The following HDAC4 variants were observed in gnomAD, a reference collection of about 807,000 sequenced individuals.
HDAC4 encodes histone deacetylase 4.
In HDAC4, 16 loss-of-function variants were observed where a neutral mutation model predicts 135.1. The ratio of observed to expected loss-of-function variants is 0.12; its 90% confidence interval spans 0.08 to 0.18. HDAC4 has a LOEUF of 0.18. HDAC4 is among the 10% of genes least tolerant of loss of function. HDAC4 has a pLI of 1.00. For synonymous variants in HDAC4, 685 were observed against 653.4 expected, an observed-to-expected ratio of 1.05 and a Z score of -0.74; for missense variants, 1,143 against 1,511.8, an observed-to-expected ratio of 0.76 and a Z score of 4.05.
intron 5 of HDAC4, among the ~76,000 whole-genome samples, chr2:239,172,834 A>C (rs1260425406): frequency 6.6e-6 from 1 of 152,160 alleles, no homozygotes; most frequent in Non-Finnish European, 1.5e-5. Context: ...ACATCATTAA[A>C]GGTCTGACAG....
intron 12 of HDAC4, among the ~76,000 whole-genome samples, chr2:239,125,895 G>C (rs998810265): frequency 1.3e-5 from 2 of 152,226 alleles, no homozygotes; most frequent in Non-Finnish European, 2.9e-5. Flanking sequence ...ACTTCCTGCT[G>C]GAGTTCTGCA....
At chr2:239,301,471 CTTTT>C (rs764763791) in intron 2 of HDAC4, among the ~76,000 whole-genome samples, 3 of 133,686 alleles carry the variant, frequency 2.2e-5, no homozygotes, top group African/African-American at 5.3e-5. Context: ...TGCTTTCTTT[CTTTT>C]TTTTTTTTTT....
chr2:239,120,613 G>C (rs1559467714), intron 12 of HDAC4, among the ~76,000 whole-genome samples: 1 of 132,178 alleles, frequency 7.6e-6, no homozygotes, highest in Non-Finnish European at 1.6e-5. Flanking sequence ...AAATGGGGGG[G>C]CGGGGAAGGG....
intron 2 of HDAC4, among the ~76,000 whole-genome samples, chr2:239,304,681 T>C (rs1177177971): frequency 3.3e-5 from 5 of 151,926 alleles, no homozygotes; most frequent in Admixed American, 6.6e-5. Flanking sequence ...GCTCCTGGGG[T>C]CAGGAGCTCT....
At chr2:239,196,910 A>T (rs1260849761) in intron 3 of HDAC4, among the ~76,000 whole-genome samples, 1 of 152,204 alleles carries the variant, frequency 6.6e-6, no homozygotes. Context: ...CGAGGCAGGC[A>T]GTCTGGTGAG....
At chr2:239,238,430 G>A (rs2048007028) in intron 2 of HDAC4, among the ~76,000 whole-genome samples, 1 of 152,140 alleles carries the variant, frequency 6.6e-6, no homozygotes, top group African/African-American at 2.4e-5. Context: ...GTCAAGAGGA[G>A]GGGGCTTGGG....
rs541830550 is a variant in HDAC4 at position 239,168,357 on chromosome 2, C to T, written c.491-4434G>A. On this transcript the variant is annotated intron_variant, in intron 5 of 26. Transcript: ENST00000543185. Reference sequence around the variant, plus strand: ...TATGTGAAGAGCCGTGTCTTAGATTCCCAAGTGCCGTTAATCTAAATCAAA... The same window carrying T: ...TATGTGAAGAGCCGTGTCTTAGATTTCCAAGTGCCGTTAATCTAAATCAAA... Among the ~76,000 whole-genome samples, 5 of 152,274 alleles carry T rather than the reference C, an allele frequency of 3.3e-5. No individual in the cohort carries two copies. In the South Asian group the frequency reaches 8.3e-4, roughly 25 times the overall value.
chr2:239,242,212 C>T (rs549276470), intron 2 of HDAC4, among the ~76,000 whole-genome samples: 7 of 109,604 alleles, frequency 6.4e-5, no homozygotes, highest in Admixed American at 2.6e-4. Context: ...AGAGAGAGGA[C>T]GAGAGAGGAA....
Position 239,392,732 on chromosome 2 carries a change from G to C in HDAC4, c.-220+8246C>G, listed in dbSNP as rs115672559. ...GGGTAAGTCCTCAATAGCCAGCTGG[G>C]ATTAGCCCCAGGCCACAGGGAGGAC... On this transcript the variant is annotated intron_variant, in intron 1 of 26. Coordinates refer to ENST00000543185, the MANE Select transcript of HDAC4 (RefSeq NM_001378414.1). Among the ~76,000 whole-genome samples the C allele has an allele frequency of 5.7e-3, 872 of 152,310 alleles. 9 individuals carry two copies. The highest frequency in any genetic ancestry group is 0.02 in the African/African-American group (833 of 41,570).
chr2:239,139,274 T>C lies in HDAC4; in HGVS notation c.978+410A>G, dbSNP rs971798609. Among the ~76,000 whole-genome samples the C allele has an allele frequency of 9.2e-5, 14 of 152,186 alleles. No individual in the cohort carries two copies. Among genetic ancestry groups the C allele is most frequent in the African/African-American group, 3.1e-4 (13 of 41,452 alleles). On this transcript the variant is annotated intron_variant, in intron 9 of 26. Coordinates refer to ENST00000543185, the MANE Select transcript of HDAC4 (RefSeq NM_001378414.1). This position sits in a 1 kb window ranked among gnomAD's most constrained non-coding sequence, Gnocchi z 5.3. ...AATGTTAAGTCTCACTTAGCAACTA[T>C]ACCCACGTGCCCACGGCCTCTCAGC...
In HDAC4 at chr2:239,373,316, T is replaced by C. The variant is rs542402771; in HGVS notation, c.-219-20398A>G. ...AAAAAGCACGATCTCTGCTGACTTT[T>C]CTGGGCATCTCCCTGGGGGCTGGGG... is the stretch of plus-strand genomic sequence containing the variant. On this transcript the variant is annotated intron_variant, in intron 1 of 26. Coordinates refer to ENST00000543185, the MANE Select transcript of HDAC4 (RefSeq NM_001378414.1). 5.1e-4 allele frequency among the ~76,000 whole-genome samples: 77 copies of C among 152,272 alleles called. 1 individual carries two copies. The highest frequency in any genetic ancestry group is 8.5e-4 in the Non-Finnish European group (58 of 68,010).
chr2:239,124,156 A>C (rs552479978), intron 12 of HDAC4, among the ~76,000 whole-genome samples: 60 of 152,314 alleles, frequency 3.9e-4, no homozygotes, highest in African/African-American at 1.4e-3. Context: ...CTGGGATATA[A>C]TTCACATACC....
intron 15 of HDAC4, among the ~76,000 whole-genome samples, chr2:239,104,260 C>T (rs914355634): frequency 5.3e-5 from 8 of 152,104 alleles, no homozygotes; most frequent in African/African-American, 1.7e-4. Context: ...AACGGAGTTT[C>T]GCTCGTTGCC....
intron 11 of HDAC4, among the ~76,000 whole-genome samples, chr2:239,132,837 C>A (rs2040691479): frequency 6.6e-6 from 1 of 152,190 alleles, no homozygotes; most frequent in African/African-American, 2.4e-5. Flanking sequence ...GAAGATCAGG[C>A]ACATTTTACG....
chr2:239,170,731 A>G (rs527943322), intron 5 of HDAC4, among the ~76,000 whole-genome samples: 1 of 152,312 alleles, frequency 6.6e-6, no homozygotes, highest in Non-Finnish European at 1.5e-5. Context: ...CAACTAGGGC[A>G]GCATGGAACA....
intron 1 of HDAC4, among the ~76,000 whole-genome samples, chr2:239,369,220 G>A (rs923767997): frequency 1.4e-4 from 21 of 152,306 alleles, no homozygotes; most frequent in African/African-American, 4.3e-4. Flanking sequence ...CCCATTCCCC[G>A]ACGGTCCCCT....
chr2:239,271,257 G>A (rs2050043409), intron 2 of HDAC4, among the ~76,000 whole-genome samples: 1 of 152,166 alleles, frequency 6.6e-6, no homozygotes. Flanking sequence ...GGAATCATAG[G>A]TGCATGCCAC....
At chr2:239,092,844 C>T (rs372667706) in intron 17 of HDAC4, among the ~76,000 whole-genome samples, 68 of 152,098 alleles carry the variant, frequency 4.5e-4, no homozygotes, top group African/African-American at 1.5e-3. Flanking sequence ...CTCTGTGTTT[C>T]GTTTCTTTTT....
At chr2:239,393,005 TCTA>T (rs1696332030) in intron 1 of HDAC4, among the ~76,000 whole-genome samples, 1 of 152,148 alleles carries the variant, frequency 6.6e-6, no homozygotes, top group South Asian at 2.1e-4. Context: ...TGACAGCTAC[TCTA>T]CAGAATCCTG....
Sources: gnomAD v4.1 joint callset for allele counts (sites outside exome capture counted in the v4.1 genomes callset) on GRCh38, gnomAD v4.1.1 for gene constraint, Gnocchi (gnomAD v3.1) non-coding constraint, MANE v1.5 for transcripts, NCBI Gene and HGNC (gene_info 2026-07-23, HGNC 2026-07-21) for gene names.